The following EMC8 variants were observed in gnomAD, a reference collection of about 807,000 sequenced individuals.
EMC8 encodes the protein COX4 neighbor.
Under a neutral mutation model 24.3 loss-of-function variants are expected in EMC8, and 11 were observed. That is an observed-to-expected ratio of 0.45 (90% CI 0.28 to 0.75). The LOEUF is 0.75. Among genes scored for constraint, EMC8 ranks in the 30% least tolerant of loss-of-function variants. The pLI is 0.12. For missense variants in EMC8, 277 were observed against 282.7 expected (o/e 0.98, Z 0.14); for synonymous variants, 145 against 117.7 (o/e 1.23, Z -1.50).
intron 2 of EMC8, 110 bp downstream of exon 2, chr16:85,788,864 A>C (rs1904873704): frequency 1.3e-6 from 1 of 770,082 alleles, no homozygotes; most frequent in Admixed American, 1.9e-5. Context: ...CACAGAGGGA[A>C]GGGGTGTAGG....
chr16:85,792,466 C>A lies in EMC8; in HGVS notation c.232-3416G>T, dbSNP rs569003485. 2.6e-5 allele frequency: 4 copies of A among 152,314 alleles called. No homozygotes were observed. The East Asian group carries it at 5.8e-4, about 22-fold the overall frequency. 9.4% of individuals were successfully genotyped at this position (152,314 alleles called of 1,614,324 possible). A position where few individuals can be genotyped will look rare whatever the true frequency, so the allele number is the denominator to read the frequency against. ...GGGGTGCACACAGCCCGTTCACCAACTGAGGAATGGAGAACTCGAAGGGAG... is the reference window on the plus strand; with the variant it reads ...GGGGTGCACACAGCCCGTTCACCAAATGAGGAATGGAGAACTCGAAGGGAG... On this transcript the variant is annotated intron_variant, in intron 1 of 4. Coordinates refer to ENST00000253457, the MANE Select transcript of EMC8 (RefSeq NM_006067.5).
rs1300719423 is a variant in EMC8 at position 85,780,119 on chromosome 16, C to G, written c.474-252G>C. The G allele has an allele frequency of 6.7e-6, 4 of 599,920 alleles. No homozygotes were observed. The South Asian group carries it at 8.1e-5, about 12-fold the overall frequency. The allele number at this position is 599,920 out of a possible 1,614,324, so 37.2% of individuals were successfully genotyped here. A position where few individuals can be genotyped will look rare whatever the true frequency, so the allele number is the denominator to read the frequency against. On this transcript the variant is annotated intron_variant, in intron 4 of 4. Coordinates refer to ENST00000253457, the MANE Select transcript of EMC8 (RefSeq NM_006067.5). ...CAGATGACTGAAGCTTTCTGAGTGG[C>G]CACAGATACATCAAAGCACAGGCCT...
chr16:85,798,979 AGGGCGACCGCT>A (rs1304811069), intron 1 of EMC8, 75 bp downstream of exon 1: 1 of 981,252 alleles, frequency 1.0e-6, no homozygotes, highest in Admixed American at 2.4e-5. Context: ...AGCCTGCTGG[AGGGCGACCGCT>A]GGGCCAGCTT....
chr16:85,799,231 G>C lies in EMC8; in HGVS notation c.65C>G (p.Pro22Arg), dbSNP rs1464481649. ...CAGGAGCCCGTTGACGGCGCAGTGC[G>C]GGTACTTGGCGCCGTGCAGCACCAT... The part of the protein sequence containing the change: ...CKMVLHGAKY[P>R]HCAVNGLLVA... Residue 22 changes from proline (P) to arginine (R), a missense_variant, in exon 1 of 5, where the codon CCG (proline) becomes CGG (arginine). Physicochemically the swap from Pro to Arg is moderately radical, Grantham distance 103 (BLOSUM62 -2). Coordinates refer to ENST00000253457, the MANE Select transcript of EMC8 (RefSeq NM_006067.5). This position sits in a 1 kb window ranked among gnomAD's most constrained non-coding sequence, Gnocchi z 4.2. 17 of 1,613,094 alleles carry C rather than the reference G, an allele frequency of 1.1e-5. No individual in the cohort carries two copies. The highest frequency in any genetic ancestry group is 1.4e-5 in the Non-Finnish European group (16 of 1,179,862).
At chr16:85,784,672 C>G (rs1187300954) in intron 2 of EMC8, 1 of 152,104 alleles carries the variant, frequency 6.6e-6, no homozygotes, top group Non-Finnish European at 1.5e-5. Flanking sequence ...CGGTGGGCGC[C>G]AGGTCCCCAC....
Sources: gnomAD v4.1 joint callset for allele counts on GRCh38, gnomAD v4.1.1 for gene constraint, Gnocchi (gnomAD v3.1) non-coding constraint, MANE v1.5 for transcripts, NCBI Gene and HGNC (gene_info 2026-07-23, HGNC 2026-07-21) for gene names.